Variants in RELN observed in about 807,000 individuals in gnomAD.
RELN encodes the protein reelin.
In RELN, 108 loss-of-function variants were observed where a neutral mutation model predicts 427.6. That is an observed-to-expected ratio of 0.25 (90% CI 0.22 to 0.30). The LOEUF is 0.30. Among genes scored for constraint, RELN ranks in the 10% least tolerant of loss-of-function variants. RELN has a pLI of 1.00. For missense variants in RELN, 3,715 were observed against 4,302.8 expected (o/e 0.86, Z 3.82); for synonymous variants, 1,524 against 1,513.4 (o/e 1.01, Z -0.16).
At chr7:103,973,960 T>C (rs916838002) in intron 1 of RELN, among the ~76,000 whole-genome samples, 39 of 152,210 alleles carry the variant, frequency 2.6e-4, no homozygotes, top group African/African-American at 8.7e-4. Context: ...CTGGCCAACA[T>C]GGTGAAACCC....
intron 2 of RELN, among the ~76,000 whole-genome samples, chr7:103,864,169 A>G (rs150552293): frequency 1.4e-4 from 22 of 152,190 alleles, no homozygotes; most frequent in African/African-American, 5.1e-4. Flanking sequence ...TTGAAATCTC[A>G]TAACTTAAAC....
intron 41 of RELN, among the ~76,000 whole-genome samples, chr7:103,547,320 C>T (rs1320477511): frequency 6.6e-6 from 1 of 152,128 alleles, no homozygotes; most frequent in East Asian, 1.9e-4. Flanking sequence ...TTTCATTGTT[C>T]CATCTTGCTC....
intron 1 of RELN, among the ~76,000 whole-genome samples, chr7:103,977,293 AGAGT>A (rs1796897744): frequency 7.8e-6 from 1 of 128,600 alleles, no homozygotes; most frequent in Non-Finnish European, 1.6e-5. Context: ...CCTGGGTGAC[AGAGT>A]GAGACTCTGT....
chr7:103,501,117 A>G (rs1026837301), intron 52 of RELN, among the ~76,000 whole-genome samples, 195 bp from the exon 53 acceptor site: 1 of 152,198 alleles, frequency 6.6e-6, no homozygotes, highest in Non-Finnish European at 1.5e-5. Flanking sequence ...GTTTTATTGA[A>G]ATTTCAGAAT....
intron 2 of RELN, among the ~76,000 whole-genome samples, chr7:103,857,392 T>C (rs1793971818): frequency 6.6e-6 from 1 of 152,194 alleles, no homozygotes; most frequent in African/African-American, 2.4e-5. Flanking sequence ...AGTCTCCAGT[T>C]TTTAGAGGAA....
At chr7:103,548,229 A>C (rs1189120573) in intron 41 of RELN, among the ~76,000 whole-genome samples, 1 of 152,246 alleles carries the variant, frequency 6.6e-6, no homozygotes, top group Non-Finnish European at 1.5e-5. Context: ...ATGTAGAAGG[A>C]ACAAAATTTG....
chr7:103,622,661 A>ACATAG (rs1378232245), intron 20 of RELN, among the ~76,000 whole-genome samples: 79 of 152,128 alleles, frequency 5.2e-4, no homozygotes, highest in African/African-American at 1.8e-3. Context: ...ACTTTTACAT[A>ACATAG]GTTGTTTCTT....
At chr7:103,882,240 A>C (rs1445672690) in intron 2 of RELN, among the ~76,000 whole-genome samples, 1 of 152,134 alleles carries the variant, frequency 6.6e-6, no homozygotes, top group Non-Finnish European at 1.5e-5. Flanking sequence ...CTACAGTCTC[A>C]CTTCTGTTTC....
intron 3 of RELN, among the ~76,000 whole-genome samples, chr7:103,822,269 C>G (rs964740469): frequency 1.8e-4 from 28 of 151,828 alleles, no homozygotes; most frequent in African/African-American, 6.5e-4. Flanking sequence ...AAATAGCATT[C>G]AAAAACCATA....
intron 7 of RELN, among the ~76,000 whole-genome samples, chr7:103,726,661 A>T (rs1202283013): frequency 6.6e-6 from 1 of 152,134 alleles, no homozygotes; most frequent in Non-Finnish European, 1.5e-5. Context: ...AACCAGTGGC[A>T]ACAAAAATAA....
intron 22 of RELN, among the ~76,000 whole-genome samples, chr7:103,605,075 C>A (rs141029592): frequency 0.011 from 1,741 of 152,292 alleles, 44 homozygotes; most frequent in African/African-American, 0.039. Context: ...GATAATCCAC[C>A]CGCCTTGGCC....
In RELN at chr7:103,651,748, G is replaced by A. The variant is rs1476264966; in HGVS notation, c.1805C>T (p.Ser602Phe). Reference protein sequence around the residue: ...EFSTNHGRSWSLLHTECLPEI... With the variant: ...EFSTNHGRSWFLLHTECLPEI... ...AGGTAAGCATTCAGTGTGAAGGAGG[G>A]ACCAGGAGCGCCCATGGTTGGTAGA... The change falls in exon 15 of 65, where the codon TCC becomes TTC. Residue 602 changes from serine (S) to phenylalanine (F), a missense_variant. Coordinates refer to ENST00000428762, the MANE Select transcript of RELN (RefSeq NM_005045.4). 4.3e-6 allele frequency: 7 copies of A among 1,611,684 alleles called. No homozygotes were observed. The East Asian group carries it at 1.1e-4, about 26-fold the overall frequency.
intron 45 of RELN, among the ~76,000 whole-genome samples, chr7:103,535,909 C>A (rs1481586635): frequency 1.3e-5 from 2 of 150,640 alleles, no homozygotes; most frequent in Admixed American, 6.7e-5. Context: ...AATGGTATAT[C>A]ATTTAATATA....
intron 1 of RELN, among the ~76,000 whole-genome samples, chr7:103,918,221 A>T (rs1795531533): frequency 6.6e-6 from 1 of 152,146 alleles, no homozygotes; most frequent in Non-Finnish European, 1.5e-5. Context: ...CCATAATGGC[A>T]TGGGGGATTG....
At chr7:103,737,282 T>C (rs950683541) in intron 6 of RELN, among the ~76,000 whole-genome samples, 1 of 152,258 alleles carries the variant, frequency 6.6e-6, no homozygotes, top group Non-Finnish European at 1.5e-5. Context: ...CAGCACTGCC[T>C]TTCCGGCTCA....
chr7:103,869,888 C>A (rs948754443), intron 2 of RELN, among the ~76,000 whole-genome samples: 21 of 152,048 alleles, frequency 1.4e-4, no homozygotes, highest in African/African-American at 5.1e-4. Context: ...ATATTTTGGA[C>A]CATTTCATAT....
At chr7:103,643,662 T>G (rs1584370939) in intron 16 of RELN, among the ~76,000 whole-genome samples, 1 of 151,996 alleles carries the variant, frequency 6.6e-6, no homozygotes, top group Non-Finnish European at 1.5e-5. Context: ...TCTAATTATC[T>G]GTAAAGAAAA....
At chr7:103,864,886 G>A (rs559059091) in intron 2 of RELN, among the ~76,000 whole-genome samples, 62 of 111,856 alleles carry the variant, frequency 5.5e-4, no homozygotes, top group African/African-American at 1.6e-3. Flanking sequence ...GAAATGAAAC[G>A]GTAAGAGACT....
chr7:103,824,885 AG>A lies in RELN; in HGVS notation c.473+8651del, dbSNP rs1793097005. Among the ~76,000 whole-genome samples, 2 of 152,020 alleles carry A rather than the reference AG, an allele frequency of 1.3e-5. No homozygotes were observed. The highest frequency in any genetic ancestry group is 2.9e-5 in the Non-Finnish European group (2 of 67,988). On this transcript the variant is annotated intron_variant, in intron 3 of 64. Coordinates refer to ENST00000428762, the MANE Select transcript of RELN (RefSeq NM_005045.4). The surrounding 1 kb of genome is among the most constrained non-coding windows in gnomAD (Gnocchi z 4.4). ...ATCTTCATAAATACTAATTTTTAAAAGAAATATAGAGTGGTAGTATAGGATG... is the reference window on the plus strand; with the variant it reads ...ATCTTCATAAATACTAATTTTTAAAAAAATATAGAGTGGTAGTATAGGATG...
Sources: allele counts gnomAD v4.1 joint callset (sites outside exome capture counted in the v4.1 genomes callset), GRCh38; gene constraint gnomAD v4.1.1; non-coding constraint Gnocchi (gnomAD v3.1); transcripts MANE v1.5; gene names NCBI Gene and HGNC (gene_info 2026-07-23, HGNC 2026-07-21).